Variants in CTCF observed in about 807,000 individuals in gnomAD.
The protein encoded by CTCF is CCCTC-binding factor, also known as transcriptional repressor CTCF.
A neutral mutation model predicts 72.3 loss-of-function variants in CTCF; 7 were observed. The observed-to-expected ratio is 0.10, with a 90% CI of 0.06 to 0.18. The LOEUF (loss-of-function observed/expected upper bound fraction) is 0.18, where lower values mean the gene tolerates loss of function less well. CTCF is among the 10% of genes least tolerant of loss of function. The pLI is 1.00. For missense variants in CTCF, 516 were observed against 949.1 expected (o/e 0.54, Z 6.00); for synonymous variants, 374 against 315.8 (o/e 1.18, Z -1.95).
intron 10 of CTCF, among the ~76,000 whole-genome samples, chr16:67,631,847 C>T (rs907928624): frequency 2.0e-5 from 3 of 151,856 alleles, no homozygotes; most frequent in Non-Finnish European, 4.4e-5. Context: ...CCAAGGCAGG[C>T]AGATCACCTT....
In CTCF at chr16:67,610,813, C is replaced by T. The variant is rs368612340; in HGVS notation, c.-9-11C>T. ...GCTTTAAATAACAATCTGTGTTCTC[C>T]CTTAATAAAGGCAGGGGAAATGGAA... On this transcript the variant is annotated splice_polypyrimidine_tract_variant and intron_variant, in intron 2 of 11. Transcript: ENST00000264010. 169 of 1,447,888 alleles carry T rather than the reference C, an allele frequency of 1.2e-4. 1 individual carries two copies. The African/African-American group carries it at 2.0e-3, about 17-fold the overall frequency. 89.7% of individuals were successfully genotyped at this position (1,447,888 alleles called of 1,614,324 possible). A position where few individuals can be genotyped will look rare whatever the true frequency, so the allele number is the denominator to read the frequency against.
intron 7 of CTCF, among the ~76,000 whole-genome samples, chr16:67,626,228 A>G (rs558128334): frequency 6.6e-6 from 1 of 152,126 alleles, no homozygotes; most frequent in Non-Finnish European, 1.5e-5. Flanking sequence ...TCACGAGGTC[A>G]GGAGATTGAG....
At chr16:67,629,659 A>G (rs2052336253) in intron 10 of CTCF, 126 bp downstream of exon 10, 3 of 850,758 alleles carry the variant, frequency 3.5e-6, no homozygotes, top group Non-Finnish European at 5.0e-6. Context: ...TAAACTTCTC[A>G]TCTCCTAACG....
chr16:67,634,459 CG>C (rs1555536556), intron 10 of CTCF, among the ~76,000 whole-genome samples: 8 of 150,700 alleles, frequency 5.3e-5, no homozygotes, highest in Non-Finnish European at 1.2e-4. Flanking sequence ...CCACCCACCT[CG>C]GCCTCCTAAA....
Position 67,611,079 on chromosome 16 carries a change from G to T in CTCF, c.247G>T (p.Ala83Ser). The change falls in exon 3 of 12, where the codon GCT becomes TCT. Residue 83 changes from alanine (A) to serine (S), a missense_variant. Transcript: ENST00000264010. ...MKTEVMEGTV[A>S]PEAEAAVDDT... ...GACTGAAGTAATGGAGGGCACAGTG[G>T]CTCCAGAAGCAGAGGCTGCTGTGGA... is the stretch of plus-strand genomic sequence containing the variant. 6.2e-7 allele frequency: 1 copy of T among 1,614,140 alleles called. No individual in the cohort carries two copies. Among genetic ancestry groups the T allele is most frequent in the Non-Finnish European group, 8.5e-7 (1 of 1,180,014 alleles).
intron 2 of CTCF, among the ~76,000 whole-genome samples, chr16:67,573,145 G>T (rs1002560682): frequency 1.3e-5 from 2 of 151,816 alleles, no homozygotes; most frequent in African/African-American, 4.8e-5. Flanking sequence ...CCAGTTTCTC[G>T]GGAGGCTGAG....
chr16:67,597,370 C>T (rs951406248), intron 2 of CTCF, among the ~76,000 whole-genome samples: 3 of 151,868 alleles, frequency 2.0e-5, no homozygotes, highest in East Asian at 1.9e-4. Flanking sequence ...TACAGAGTCT[C>T]GCTCTGTTGC....
intron 2 of CTCF, among the ~76,000 whole-genome samples, chr16:67,582,799 G>T (rs996221714): frequency 2.0e-5 from 3 of 151,544 alleles, no homozygotes; most frequent in Non-Finnish European, 4.4e-5. Context: ...ACCTTTTTTG[G>T]TCCTGTTCTT....
intron 2 of CTCF, among the ~76,000 whole-genome samples, chr16:67,584,595 G>A (rs1394206804): frequency 1.3e-5 from 2 of 151,304 alleles, no homozygotes; most frequent in Non-Finnish European, 2.9e-5. Context: ...CAAAGTGCTG[G>A]GATTACAGGC....
intron 1 of CTCF, among the ~76,000 whole-genome samples, chr16:67,565,088 G>A (rs2051325220): frequency 6.6e-6 from 1 of 151,198 alleles, no homozygotes; most frequent in Admixed American, 6.6e-5. Flanking sequence ...TGCAACCTCT[G>A]CCTCCCGGAT....
chr16:67,630,998 G>A (rs1249759847), intron 10 of CTCF, among the ~76,000 whole-genome samples: 1 of 152,138 alleles, frequency 6.6e-6, no homozygotes, highest in Non-Finnish European at 1.5e-5. Context: ...CATTAAACTG[G>A]AGAGATTATA....
Position 67,592,111 on chromosome 16 carries a change from TC to T in CTCF, c.-9-18712del, listed in dbSNP as rs1238787596. ...GACTAAGCTTTTCAGTCAACATTTTTCTAATGTAAAGATCTATCGACTGGAC... is the reference window on the plus strand; with the variant it reads ...GACTAAGCTTTTCAGTCAACATTTTTTAATGTAAAGATCTATCGACTGGAC... On this transcript the variant is annotated intron_variant, in intron 2 of 11. Coordinates refer to ENST00000264010, the MANE Select transcript of CTCF (RefSeq NM_006565.4). Among the ~76,000 whole-genome samples, 3 of 152,188 alleles carry T rather than the reference TC, an allele frequency of 2.0e-5. No homozygotes were observed. In the East Asian group the frequency reaches 5.8e-4, roughly 29 times the overall value.
chr16:67,638,986 CT>C lies in CTCF; in HGVS notation c.*1118del. The C allele has an allele frequency of 4.9e-6, 1 of 202,550 alleles. No individual in the cohort carries two copies. Among genetic ancestry groups the C allele is most frequent in the East Asian group, 7.6e-5 (1 of 13,174 alleles). The allele number at this position is 202,550 out of a possible 1,614,324, so 12.5% of individuals were successfully genotyped here. On this transcript the variant is annotated 3_prime_UTR_variant, in exon 12 of 12. Transcript: ENST00000264010. Reference sequence around the variant, plus strand: ...AAACACTTTTTTCTTCTGTGTATTGCTTTTAAGAGAGCCATCAGTTAGCTAT... The same window carrying C: ...AAACACTTTTTTCTTCTGTGTATTGCTTTAAGAGAGCCATCAGTTAGCTAT...
chr16:67,588,599 T>C lies in CTCF; in HGVS notation c.-10+17335T>C, dbSNP rs142269580. Among the ~76,000 whole-genome samples, 211 of 152,282 alleles carry C rather than the reference T, an allele frequency of 1.4e-3. No individual in the cohort carries two copies. In the Middle Eastern group the frequency reaches 0.017, roughly 12 times the overall value. On this transcript the variant is annotated intron_variant, in intron 2 of 11. Transcript: ENST00000264010. ...CCTGTTGGTACTATGGCACCAATGT[T>C]GACTCACAGATGAGCATTATCTTTG...
intron 2 of CTCF, among the ~76,000 whole-genome samples, chr16:67,597,743 A>G (rs2051833766): frequency 6.6e-6 from 1 of 152,166 alleles, no homozygotes; most frequent in Admixed American, 6.5e-5. Flanking sequence ...CCTTTTATGC[A>G]GTAATTCTCT....
At chr16:67,619,665 TA>T (rs2052177024) in intron 5 of CTCF, among the ~76,000 whole-genome samples, 1 of 152,110 alleles carries the variant, frequency 6.6e-6, no homozygotes, top group Admixed American at 6.6e-5. Context: ...ACTGTAGCCT[TA>T]AACTCCTGAG....
At chr16:67,573,079 C>T (rs1026818123) in intron 2 of CTCF, among the ~76,000 whole-genome samples, 2 of 151,738 alleles carry the variant, frequency 1.3e-5, no homozygotes, top group Non-Finnish European at 2.9e-5. Flanking sequence ...GGTGAAACCC[C>T]GTCTCTACTA....
At chr16:67,611,757 A>C (rs2052065667) in intron 3 of CTCF, 144 bp downstream of exon 3, 1 of 998,558 alleles carries the variant, frequency 1.0e-6, no homozygotes, top group African/African-American at 1.6e-5. Flanking sequence ...GTCTAAAATA[A>C]GTTTTTTCCA....
chr16:67,606,904 T>A (rs2142809443), intron 2 of CTCF, among the ~76,000 whole-genome samples: 1 of 151,972 alleles, frequency 6.6e-6, no homozygotes, highest in African/African-American at 2.4e-5. Flanking sequence ...GTAGCTGGGA[T>A]TAGAGGCACA....
Sources: allele counts gnomAD v4.1 joint callset (sites outside exome capture counted in the v4.1 genomes callset), GRCh38; gene constraint gnomAD v4.1.1; transcripts MANE v1.5; gene names NCBI Gene and HGNC (gene_info 2026-07-23, HGNC 2026-07-21).